SCRN1: variants seen among roughly 807,000 people sequenced by gnomAD.
SCRN1 encodes the protein secernin 1, also known as secernin-1.
Under a neutral mutation model 43.3 loss-of-function variants are expected in SCRN1, and 19 were observed. That is an observed-to-expected ratio of 0.44 (90% CI 0.31 to 0.64). SCRN1 has a LOEUF of 0.64. Ranked by LOEUF, SCRN1 falls within the 30% of genes least tolerant of loss-of-function variation. SCRN1 has a pLI of 0.09. For missense variants in SCRN1, 447 were observed against 524.1 expected, an observed-to-expected ratio of 0.85 and a Z score of 1.44; for synonymous variants, 183 against 188.9, an observed-to-expected ratio of 0.97 and a Z score of 0.26.
intron 7 of SCRN1, among the ~76,000 whole-genome samples, chr7:29,925,021 A>G (rs192899663): frequency 6.6e-6 from 1 of 152,272 alleles, no homozygotes; most frequent in East Asian, 1.9e-4. Context: ...AATGAACCAA[A>G]TACCCAAAAC....
At chr7:29,982,814 T>A (rs1789030761) in intron 1 of SCRN1, among the ~76,000 whole-genome samples, 1 of 151,744 alleles carries the variant, frequency 6.6e-6, no homozygotes, top group Admixed American at 6.6e-5. Context: ...CCTGACTCTA[T>A]CTTCTCAATC....
In SCRN1 at chr7:29,921,514, C is replaced by T. The variant is rs1366075324; in HGVS notation, c.*2443G>A. The T allele has an allele frequency of 6.6e-6, 1 of 152,238 alleles. No homozygotes were observed. Among genetic ancestry groups the T allele is most frequent in the East Asian group, 1.9e-4 (1 of 5,200 alleles). 9.4% of individuals were successfully genotyped at this position (152,238 alleles called of 1,614,324 possible). ...TCTCTGCTCTCTTGTCGTCTTTCTC[C>T]ACCCATCCCAATGCACAACTGTCAA... On this transcript the variant is annotated 3_prime_UTR_variant, in exon 8 of 8. Coordinates refer to ENST00000242059, the MANE Select transcript of SCRN1 (RefSeq NM_014766.5).
At chr7:29,959,077 G>T (rs1253912108) in intron 2 of SCRN1, among the ~76,000 whole-genome samples, 1 of 152,200 alleles carries the variant, frequency 6.6e-6, no homozygotes, top group Non-Finnish European at 1.5e-5. Flanking sequence ...GCTTCATGCC[G>T]TCACTTCACC....
chr7:29,973,276 G>T (rs577248912), intron 1 of SCRN1, among the ~76,000 whole-genome samples: 24 of 152,202 alleles, frequency 1.6e-4, no homozygotes, highest in Non-Finnish European at 2.9e-4. Context: ...CCATGAGAGT[G>T]GCCCTCATTA....
intron 3 of SCRN1, among the ~76,000 whole-genome samples, chr7:29,951,039 T>C (rs922283620): frequency 3.3e-5 from 5 of 152,150 alleles, no homozygotes; most frequent in African/African-American, 1.2e-4. Context: ...TTGCAGGTGA[T>C]GAAAAGGAGA....
intron 7 of SCRN1, 149 bp downstream of exon 7, chr7:29,926,303 G>T: frequency 2.7e-6 from 2 of 729,670 alleles, no homozygotes; most frequent in Non-Finnish European, 4.3e-6. Flanking sequence ...TCTAGGAAAG[G>T]CCCCAGGAAC....
At chr7:29,966,798 T>C (rs111374793) in intron 2 of SCRN1, among the ~76,000 whole-genome samples, 5 of 152,316 alleles carry the variant, frequency 3.3e-5, no homozygotes, top group African/African-American at 9.6e-5. Flanking sequence ...ACAGCCCATG[T>C]GAAGCCCTGC....
At chr7:29,983,121 G>A (rs1045139237) in intron 1 of SCRN1, among the ~76,000 whole-genome samples, 2 of 151,982 alleles carry the variant, frequency 1.3e-5, no homozygotes, top group East Asian at 1.9e-4. Context: ...ACAGGCATGA[G>A]CCATCACACC....
chr7:29,937,108 AC>A (rs1220589111), intron 5 of SCRN1, among the ~76,000 whole-genome samples: 18 of 152,228 alleles, frequency 1.2e-4, no homozygotes, highest in Admixed American at 1.2e-3. Context: ...CGGGCCACTA[AC>A]TAAAATCCAT....
chr7:29,989,203 G>C (rs1440108068), intron 1 of SCRN1: 1 of 152,112 alleles, frequency 6.6e-6, no homozygotes, highest in Non-Finnish European at 1.5e-5. Flanking sequence ...AGCCATGTTC[G>C]CGGCGCCCGC....
chr7:29,928,159 G>A (rs537360851), intron 6 of SCRN1, among the ~76,000 whole-genome samples: 38 of 152,226 alleles, frequency 2.5e-4, no homozygotes, highest in African/African-American at 6.5e-4. Context: ...ACTATTTTCA[G>A]GTATGCCATG....
chr7:29,938,543 ACGGAATCAGGG>A (rs1423430776), intron 5 of SCRN1, among the ~76,000 whole-genome samples: 1 of 152,232 alleles, frequency 6.6e-6, no homozygotes, highest in Admixed American at 6.5e-5. Flanking sequence ...TGTGGGGTTA[ACGGAATCAGGG>A]CAAGGAACAC....
At chr7:29,988,933 C>T (rs1176473657) in intron 1 of SCRN1, 1 of 152,226 alleles carries the variant, frequency 6.6e-6, no homozygotes, top group Non-Finnish European at 1.5e-5. Context: ...GCCAAATACT[C>T]GACGCCTCAA....
chr7:29,930,948 C>A (rs568540650), intron 6 of SCRN1, among the ~76,000 whole-genome samples: 1 of 152,170 alleles, frequency 6.6e-6, no homozygotes, highest in Non-Finnish European at 1.5e-5. Context: ...CCTCCCTCAG[C>A]ATCCAGCTCT....
chr7:29,986,043 C>T (rs1041777307), intron 1 of SCRN1, among the ~76,000 whole-genome samples: 1 of 152,146 alleles, frequency 6.6e-6, no homozygotes, highest in African/African-American at 2.4e-5. Context: ...GAGACCAGCC[C>T]GACCAATATG....
At chr7:29,979,512 G>A (rs150594911) in intron 1 of SCRN1, among the ~76,000 whole-genome samples, 21 of 152,280 alleles carry the variant, frequency 1.4e-4, no homozygotes, top group African/African-American at 5.1e-4. Flanking sequence ...TCCTTACATA[G>A]TTGAAAAATA....
intron 6 of SCRN1, 77 bp from the exon 7 acceptor site, chr7:29,926,709 G>A: frequency 8.5e-7 from 1 of 1,173,954 alleles, no homozygotes; most frequent in Admixed American, 2.2e-5. Flanking sequence ...CTTTTATTCA[G>A]CAAACATTTC....
intron 3 of SCRN1, among the ~76,000 whole-genome samples, chr7:29,946,146 C>T (rs1445561954): frequency 6.6e-6 from 1 of 152,170 alleles, no homozygotes; most frequent in Non-Finnish European, 1.5e-5. Flanking sequence ...GGTTACAAGG[C>T]AGTGATTTAC....
chr7:29,957,465 C>T (rs905647683), intron 2 of SCRN1, among the ~76,000 whole-genome samples: 3 of 152,226 alleles, frequency 2.0e-5, no homozygotes, highest in African/African-American at 7.2e-5. Flanking sequence ...TTCTGAAATA[C>T]TACAGAACTG....
Sources: allele counts gnomAD v4.1 joint callset (sites outside exome capture counted in the v4.1 genomes callset), GRCh38; gene constraint gnomAD v4.1.1; transcripts MANE v1.5; gene names NCBI Gene and HGNC (gene_info 2026-07-23, HGNC 2026-07-21).